The following ARMCX4 variants were observed in gnomAD, a reference collection of about 807,000 sequenced individuals.
ARMCX4 encodes the protein armadillo repeat containing X-linked 4.
A neutral mutation model predicts 34.7 loss-of-function variants in ARMCX4; 3 were observed. The ratio of observed to expected loss-of-function variants is 0.09; its 90% confidence interval spans 0.04 to 0.22. The LOEUF (loss-of-function observed/expected upper bound fraction) is 0.22, where lower values mean the gene tolerates loss of function less well. Among genes scored for constraint, ARMCX4 ranks in the 10% least tolerant of loss-of-function variants. The pLI is 1.00. For missense variants in ARMCX4, 1,448 were observed against 1,720.8 expected, an observed-to-expected ratio of 0.84 and a Z score of 2.81; for synonymous variants, 513 against 632.8, an observed-to-expected ratio of 0.81 and a Z score of 2.84.
intron 8 of ARMCX4, among the ~76,000 whole-genome samples, chrX:101,508,254 T>C (rs1481748026): frequency 1.8e-5 from 2 of 112,545 alleles, no homozygotes; most frequent in Non-Finnish European, 3.8e-5. Context: ...ACAAGGCTAA[T>C]GTATTAGTCC....
At chrX:101,523,489 A>G (rs1156335102) in intron 11 of ARMCX4, among the ~76,000 whole-genome samples, 2 of 112,575 alleles carry the variant, frequency 1.8e-5, no homozygotes, top group African/African-American at 6.5e-5. Context: ...TAACTAATAA[A>G]TAGCTTATGC....
chrX:101,517,805 T>C, intron 11 of ARMCX4, among the ~76,000 whole-genome samples: 1 of 111,011 alleles, frequency 9.0e-6, no homozygotes, highest in Middle Eastern at 4.6e-3. Flanking sequence ...TTGAGTGACA[T>C]AGAAATTAAA....
rs782108951 is a variant in ARMCX4, at chrX:101,489,263, C to T, written c.674C>T (p.Thr225Met). The T allele has an allele frequency of 1.5e-5, 17 of 1,153,885 alleles. No homozygotes were observed. Among genetic ancestry groups the T allele is most frequent in the South Asian group, 1.1e-4 (6 of 52,562 alleles). ...VPREVAKMGA[T>M]NKTGIVDETK... Reference sequence around the variant, plus strand: ...AGGGAAGTGGCCAAGATGGGGGCCACGAACAAGACTGGAATTGTGGATGAA... The same window carrying T: ...AGGGAAGTGGCCAAGATGGGGGCCATGAACAAGACTGGAATTGTGGATGAA... The change falls in exon 6 of 6, where the codon ACG (threonine) becomes ATG (methionine). Residue 225 changes from threonine to methionine, a missense_variant. Thr to Met is a moderately conservative substitution (Grantham distance 81). Around this residue, in one of 2 missense-constraint regions of ARMCX4, gnomAD observed 1,343 missense variants for 1,540.7 expected, o/e 0.87. Transcript: ENST00000423738.
chrX:101,527,544 TG>T (rs1479306104), intron 11 of ARMCX4, among the ~76,000 whole-genome samples: 1 of 111,427 alleles, frequency 9.0e-6, no homozygotes, highest in African/African-American at 3.3e-5. Context: ...ATCCAGGGGC[TG>T]GTTTTTTGAA....
At chrX:101,484,418 G>T (rs1463971623), upstream of ARMCX4, among the ~76,000 whole-genome samples, 1 of 111,940 alleles carries the variant, frequency 8.9e-6, no homozygotes, top group African/African-American at 3.3e-5. Context: ...TCCAAATAAA[G>T]CCCCTTGAAT....
chrX:101,455,257 A>C (rs782697537), intron 4 of ARMCX4, among the ~76,000 whole-genome samples: 1 of 112,096 alleles, frequency 8.9e-6, no homozygotes, highest in Admixed American at 9.5e-5. Context: ...GACAGTCCTA[A>C]GTCTCCAAGT....
chrX:101,502,727 T>C (rs1274571877), intron 7 of ARMCX4, among the ~76,000 whole-genome samples: 1 of 111,270 alleles, frequency 9.0e-6, no homozygotes, highest in Non-Finnish European at 1.9e-5. Flanking sequence ...TTATTTTTTT[T>C]TTATTTTTAT....
chrX:101,486,993 T>A (rs1009356201), intron 2 of ARMCX4, among the ~76,000 whole-genome samples, 200 bp from the exon 3 acceptor site: 1 of 108,262 alleles, frequency 9.2e-6, no homozygotes. Flanking sequence ...CCTCTGTCTG[T>A]TGCCTTTTAC....
chrX:101,431,692 C>T (rs1028481943), intron 2 of ARMCX4, among the ~76,000 whole-genome samples: 2 of 110,614 alleles, frequency 1.8e-5, no homozygotes, highest in Non-Finnish European at 3.8e-5. Flanking sequence ...TACAGGCACC[C>T]GCCACCATGC....
At chrX:101,504,896 G>C (rs1934411808) in intron 7 of ARMCX4, 1 of 111,696 alleles carries the variant, frequency 9.0e-6, no homozygotes, top group Admixed American at 9.5e-5. Flanking sequence ...GGAATGAATG[G>C]GGAGGGATAT....
At chrX:101,499,535 C>A (rs1005051017), downstream of ARMCX4, among the ~76,000 whole-genome samples, 11 of 111,897 alleles carry the variant, frequency 9.8e-5, no homozygotes, top group Non-Finnish European at 2.1e-4. Context: ...CTTTTGCATG[C>A]CAGGGCTCAG....
intron 2 of ARMCX4, chrX:101,443,840 A>C (rs1258899329): frequency 8.4e-6 from 3 of 359,156 alleles, no homozygotes; most frequent in African/African-American, 7.8e-5. Context: ...GCAGATGAAA[A>C]ACTAGGAACC....
Position 101,495,229 on chromosome X carries a change from A to C in ARMCX4, c.6640A>C (p.Ser2214Arg). 1 of 1,147,407 alleles carries C rather than the reference A, an allele frequency of 8.7e-7. No individual in the cohort carries two copies. The highest frequency in any genetic ancestry group is 1.2e-6 in the Non-Finnish European group (1 of 865,358). The allele number at this position is 1,147,407 out of a possible 1,213,427, so 94.6% of individuals were successfully genotyped here. A position where few individuals can be genotyped will look rare whatever the true frequency, so the allele number is the denominator to read the frequency against. Reference sequence around the variant, plus strand: ...ACCAACATCACTGATTAACATTTTTAGCAAGAAAGAGACAAAGGAGAATAT... The same window carrying C: ...ACCAACATCACTGATTAACATTTTTCGCAAGAAAGAGACAAAGGAGAATAT... ...NAPTSLINIF[S>R]KKETKENILN... Residue 2214 changes from serine to arginine, a missense_variant, in exon 6 of 6, where the codon AGC (serine) becomes CGC (arginine). By Grantham distance (110) the Ser-to-Arg change is moderately radical. This residue lies in a region of ARMCX4 where 105 missense variants were observed against 180.2 expected (regional missense o/e 0.58). Transcript: ENST00000423738.
downstream of ARMCX4, chrX:101,447,499 G>C (rs189272127): frequency 1.8e-5 from 2 of 111,778 alleles, no homozygotes; most frequent in African/African-American, 6.5e-5. Flanking sequence ...TACAGACAGA[G>C]TGGGAGGTGA....
intron 3 of ARMCX4, 25 bp from the exon 4 acceptor site, chrX:101,487,583 C>T: frequency 2.3e-6 from 2 of 872,716 alleles, no homozygotes; most frequent in Non-Finnish European, 3.0e-6. Context: ...TTTCCATTAC[C>T]TACTGTTTGT....
chrX:101,498,346 T>C, downstream of ARMCX4: 1 of 239,129 alleles, frequency 4.2e-6, no homozygotes, highest in Non-Finnish European at 7.9e-6. Flanking sequence ...GTGGAGTAGA[T>C]AGGCCTCTGG....
chrX:101,456,093 T>C (rs1468776793), intron 4 of ARMCX4, among the ~76,000 whole-genome samples: 1 of 111,768 alleles, frequency 8.9e-6, no homozygotes, highest in Non-Finnish European at 1.9e-5. Flanking sequence ...GTTGATTCCA[T>C]GTCTGCTATT....
rs1256376114 is a variant in ARMCX4 at position 101,489,965 on chromosome X, T to C, written c.1376T>C (p.Met459Thr). 1.7e-6 allele frequency: 2 copies of C among 1,153,675 alleles called. No individual in the cohort carries two copies. Among genetic ancestry groups the C allele is most frequent in the African/African-American group, 3.6e-5 (2 of 55,525 alleles). ...RDKSRGNPNV[M>T]AKVGDGTDML... is the part of the protein sequence containing the mutation. ...AAGAGCAGAGGCAATCCCAATGTTATGGCTAAGGTGGGGGATGGGACAGAC... is the reference window on the plus strand; with the variant it reads ...AAGAGCAGAGGCAATCCCAATGTTACGGCTAAGGTGGGGGATGGGACAGAC... The change falls in exon 6 of 6, where the codon ATG becomes ACG. Residue 459 changes from methionine (M) to threonine (T), a missense_variant. Met to Thr is a moderately conservative substitution (Grantham distance 81). Coordinates refer to ENST00000423738, the MANE Select transcript of ARMCX4 (RefSeq NM_001256155.3).
At chrX:101,434,858 A>G (rs1555993930) in intron 2 of ARMCX4, among the ~76,000 whole-genome samples, 1 of 101,160 alleles carries the variant, frequency 9.9e-6, no homozygotes, top group African/African-American at 3.7e-5. Flanking sequence ...TCATTGTTCA[A>G]TTCCCATCTG....
Sources: allele counts gnomAD v4.1 joint callset (sites outside exome capture counted in the v4.1 genomes callset), GRCh38; gene constraint gnomAD v4.1.1; regional missense constraint gnomAD v4.1.1; transcripts MANE v1.5; gene names NCBI Gene and HGNC (gene_info 2026-07-23, HGNC 2026-07-21).